The following THSD4 variants were observed in gnomAD, a reference collection of about 807,000 sequenced individuals.
THSD4 encodes thrombospondin type 1 domain containing 4.
A neutral mutation model predicts 119.0 loss-of-function variants in THSD4; 69 were observed. The ratio of observed to expected loss-of-function variants is 0.58; its 90% confidence interval spans 0.48 to 0.71. The LOEUF is 0.71. THSD4 is among the 30% of genes least tolerant of loss of function. The pLI, the probability that THSD4 is intolerant of heterozygous loss-of-function variation, is 0.00. For synonymous variants in THSD4, 524 were observed against 540.4 expected (o/e 0.97, Z 0.42); for missense variants, 1,393 against 1,391.1 (o/e 1.00, Z -0.02).
At chr15:71,724,243 G>A (rs2052778068) in intron 8 of THSD4, among the ~76,000 whole-genome samples, 1 of 122,104 alleles carries the variant, frequency 8.2e-6, no homozygotes, top group Non-Finnish European at 1.8e-5. Flanking sequence ...TGCAGCATCT[G>A]GGGGAGGAGG....
chr15:71,411,684 T>A lies in THSD4; in HGVS notation c.1016-3T>A, dbSNP rs1483429352. On this transcript the variant is annotated splice_polypyrimidine_tract_variant and splice_region_variant and intron_variant, in intron 6 of 17. Coordinates refer to ENST00000261862, the MANE Select transcript of THSD4 (RefSeq NM_024817.3). ...TTTATTTTATTTCATTTTACTTTGG[T>A]AGTAAAAGGCAATCGCAAATGTGAG... 6.2e-7 allele frequency: 1 copy of A among 1,613,232 alleles called. No homozygotes were observed. The highest frequency in any genetic ancestry group is 1.1e-5 in the South Asian group (1 of 91,002).
At chr15:71,386,938 T>A (rs2046300457) in intron 6 of THSD4, among the ~76,000 whole-genome samples, 2 of 152,238 alleles carry the variant, frequency 1.3e-5, no homozygotes, top group Non-Finnish European at 2.9e-5. Context: ...AGGATTCTGT[T>A]CGCCTCGTAA....
At chr15:71,337,812 A>G (rs558242554) in intron 6 of THSD4, among the ~76,000 whole-genome samples, 2 of 152,188 alleles carry the variant, frequency 1.3e-5, no homozygotes, top group South Asian at 4.2e-4. Flanking sequence ...AGGTTAGGAA[A>G]GTGATTTCTG....
chr15:71,241,675 A>G (rs886937976), intron 4 of THSD4, among the ~76,000 whole-genome samples: 3 of 152,116 alleles, frequency 2.0e-5, no homozygotes, highest in Non-Finnish European at 4.4e-5. Flanking sequence ...TGATGGAAGT[A>G]TTTACACCAT....
intron 7 of THSD4, among the ~76,000 whole-genome samples, chr15:71,572,279 G>A (rs2049372511): frequency 6.6e-6 from 1 of 152,298 alleles, no homozygotes; most frequent in South Asian, 2.1e-4. Flanking sequence ...TCATTAAATA[G>A]TCTTCAAAAC....
chr15:71,727,813 A>C lies in THSD4; in HGVS notation c.1358-736A>C, dbSNP rs532419467. Among the ~76,000 whole-genome samples the C allele has an allele frequency of 8.0e-5, 12 of 150,904 alleles. No individual in the cohort carries two copies. The South Asian group carries it at 2.1e-3, about 26-fold the overall frequency. ...CTGGGAGGGGAGAAAAAATTGGATA[A>C]GAAAAAGAACAATGCAAGTATGATA... is the stretch of plus-strand genomic sequence containing the variant. On this transcript the variant is annotated intron_variant, in intron 8 of 17. Transcript: ENST00000261862.
chr15:71,644,069 C>T (rs973661775), intron 7 of THSD4, among the ~76,000 whole-genome samples: 5 of 152,198 alleles, frequency 3.3e-5, no homozygotes, highest in Non-Finnish European at 7.4e-5. Context: ...AGCCACTGAC[C>T]TGTCTCATTT....
At chr15:71,477,903 T>C (rs961070615) in intron 7 of THSD4, among the ~76,000 whole-genome samples, 1 of 152,236 alleles carries the variant, frequency 6.6e-6, no homozygotes, top group Non-Finnish European at 1.5e-5. Context: ...CTGCTTGCTT[T>C]CAAATCTGGC....
intron 3 of THSD4, among the ~76,000 whole-genome samples, chr15:71,196,985 A>G (rs1249590980): frequency 6.6e-6 from 1 of 152,180 alleles, no homozygotes. Context: ...TCAACCCACT[A>G]TGCATTCATT....
At chr15:71,132,125 A>T (rs947829032) in intron 1 of THSD4, among the ~76,000 whole-genome samples, 7 of 152,224 alleles carry the variant, frequency 4.6e-5, no homozygotes, top group African/African-American at 1.7e-4. Context: ...TATTTCATCC[A>T]CTACATGTGA....
chr15:71,629,181 G>A (rs1470842068), intron 7 of THSD4, among the ~76,000 whole-genome samples: 2 of 152,094 alleles, frequency 1.3e-5, no homozygotes, highest in Non-Finnish European at 2.9e-5. Context: ...AAAACTCATG[G>A]GGGCTCCCTC....
At chr15:71,662,265 G>C (rs527946308) in intron 8 of THSD4, among the ~76,000 whole-genome samples, 93 of 416 alleles carry the variant, frequency 0.22, no homozygotes, top group South Asian at 0.49. Flanking sequence ...TGGTTTTACG[G>C]GGGGGGAGGA....
At chr15:71,712,476 C>G (rs1187625633) in intron 8 of THSD4, among the ~76,000 whole-genome samples, 2 of 152,108 alleles carry the variant, frequency 1.3e-5, no homozygotes, top group African/African-American at 4.8e-5. Context: ...AAAAGAAGAG[C>G]AAGTTAATCC....
At chr15:71,361,127 A>G (rs1264150090) in intron 6 of THSD4, among the ~76,000 whole-genome samples, 2 of 152,158 alleles carry the variant, frequency 1.3e-5, no homozygotes, top group African/African-American at 4.8e-5. Context: ...TAGAGCATGG[A>G]GGGCCCTGGG....
chr15:71,098,628 T>G (rs934560188), intron 1 of THSD4, among the ~76,000 whole-genome samples: 2 of 152,060 alleles, frequency 1.3e-5, no homozygotes, highest in African/African-American at 2.4e-5. Flanking sequence ...ATTCATCATT[T>G]TTACTTAGTT....
At chr15:71,591,764 C>A (rs2049812296) in intron 7 of THSD4, among the ~76,000 whole-genome samples, 1 of 150,824 alleles carries the variant, frequency 6.6e-6, no homozygotes, top group Non-Finnish European at 1.5e-5. Flanking sequence ...TCAATAAATC[C>A]AGATATGTTC....
intron 7 of THSD4, among the ~76,000 whole-genome samples, chr15:71,422,527 T>C (rs1362337347): frequency 6.6e-6 from 1 of 152,184 alleles, no homozygotes; most frequent in African/African-American, 2.4e-5. Context: ...CTCCCCTTAC[T>C]TTCTCCTACA....
intron 7 of THSD4, among the ~76,000 whole-genome samples, chr15:71,550,720 G>A (rs777732789): frequency 1.3e-5 from 2 of 152,176 alleles, no homozygotes; most frequent in African/African-American, 4.8e-5. Context: ...GATTACAGGC[G>A]TGGATGTTCT....
intron 7 of THSD4, among the ~76,000 whole-genome samples, chr15:71,608,237 A>T (rs28484891): frequency 0.037 from 4,071 of 111,510 alleles, 154 homozygotes; most frequent in Non-Finnish European, 0.044. Flanking sequence ...AAAAAAAAAA[A>T]ATATATATAT....
Sources: gnomAD v4.1 joint callset for allele counts (sites outside exome capture counted in the v4.1 genomes callset) on GRCh38, gnomAD v4.1.1 for gene constraint, MANE v1.5 for transcripts, NCBI Gene and HGNC (gene_info 2026-07-23, HGNC 2026-07-21) for gene names.